GALNT2: variants seen among roughly 807,000 people sequenced by gnomAD.
The protein encoded by GALNT2 is UDP-GalNAc:polypeptide N-acetylgalactosaminyltransferase 2.
A neutral mutation model predicts 81.4 loss-of-function variants in GALNT2; 31 were observed. The ratio of observed to expected loss-of-function variants is 0.38; its 90% CI spans 0.29 to 0.51. The LOEUF (loss-of-function observed/expected upper bound fraction) is 0.51. Ranked by LOEUF, GALNT2 falls within the 20% of genes least tolerant of loss-of-function variation. The probability of loss-of-function intolerance (pLI) is 0.87; values close to 1 mark genes in which losing one functional copy is unlikely to be tolerated. For synonymous variants in GALNT2, 303 were observed against 287.4 expected (o/e 1.05, Z -0.55); for missense variants, 629 against 765.7 (o/e 0.82, Z 2.11).
chr1:230,192,617 G>A (rs572324813), intron 2 of GALNT2, among the ~76,000 whole-genome samples: 1 of 152,342 alleles, frequency 6.6e-6, no homozygotes, highest in East Asian at 1.9e-4. Flanking sequence ...GATATAGGAT[G>A]ATTCATACAT....
intron 2 of GALNT2, among the ~76,000 whole-genome samples, chr1:230,199,278 T>A (rs559582137): frequency 6.6e-6 from 1 of 152,326 alleles, no homozygotes; most frequent in Admixed American, 6.5e-5. Flanking sequence ...TGTCCCTGTT[T>A]GCGTGGGGTT....
At position 230,278,293 on chromosome 1, in the gene GALNT2, A is replaced by T. The variant is rs192359832; in HGVS notation, c.1561-1010A>T. ...CCACCATGCCCTGCTAATTTTTTTTAAAAAAAATGTTTGTAGAGATGGGTT... is the reference window on the plus strand; with the variant it reads ...CCACCATGCCCTGCTAATTTTTTTTTAAAAAAATGTTTGTAGAGATGGGTT... On this transcript the variant is annotated intron_variant, in intron 15 of 15. Coordinates refer to ENST00000366672, the MANE Select transcript of GALNT2 (RefSeq NM_004481.5). Among the ~76,000 whole-genome samples the T allele has an allele frequency of 2.8e-3, 419 of 151,394 alleles. 4 individuals carry two copies. Among genetic ancestry groups the T allele is most frequent in the East Asian group, 0.019 (100 of 5,146 alleles).
chr1:230,063,374 G>C (rs1410745352), upstream of GALNT2, among the ~76,000 whole-genome samples: 1 of 152,088 alleles, frequency 6.6e-6, no homozygotes, highest in Non-Finnish European at 1.5e-5. Flanking sequence ...TCTCACTGTG[G>C]GTTTTTGTTG....
chr1:230,279,171 C>G lies in GALNT2; in HGVS notation c.1561-132C>G, dbSNP rs1275683725. ...GGCTGCTGCAAGCTCCTCGGCCGTT[C>G]AGATGAGAGGCTGGGAAAAACGTGT... On this transcript the variant is annotated intron_variant, in intron 15 of 15. Coordinates refer to ENST00000366672, the MANE Select transcript of GALNT2 (RefSeq NM_004481.5). This position sits in a 1 kb window ranked among gnomAD's most constrained non-coding sequence, Gnocchi z 4.6. The G allele has an allele frequency of 1.0e-6, 1 of 974,112 alleles. No individual in the cohort carries two copies. The highest frequency in any genetic ancestry group is 1.5e-6 in the Non-Finnish European group (1 of 672,436). 60.3% of individuals were successfully genotyped at this position (974,112 alleles called of 1,614,324 possible). A position where few individuals can be genotyped will look rare whatever the true frequency, so the allele number is the denominator to read the frequency against.
intron 11 of GALNT2, among the ~76,000 whole-genome samples, chr1:230,258,505 G>A (rs1470369087): frequency 6.6e-6 from 1 of 152,074 alleles, no homozygotes; most frequent in African/African-American, 2.4e-5. Context: ...GATTATAGAC[G>A]TGAGCCACCG....
chr1:230,157,347 G>T (rs879292707), intron 1 of GALNT2, among the ~76,000 whole-genome samples: 1 of 152,186 alleles, frequency 6.6e-6, no homozygotes, highest in African/African-American at 2.4e-5. Flanking sequence ...CCAAGTACTG[G>T]CAAGGACATA....
At chr1:230,274,385 C>G (rs1217578114) in intron 14 of GALNT2, 60 bp from the exon 15 acceptor site, 3 of 1,587,474 alleles carry the variant, frequency 1.9e-6, no homozygotes, top group Non-Finnish European at 2.6e-6. Flanking sequence ...ATCGATGCCC[C>G]TTCTTTCCTT....
chr1:230,279,514 G>A lies in GALNT2; in HGVS notation c.*56G>A. Reference sequence around the variant, plus strand: ...CCTGCACCATTGGGTGGAGTCTGGTGATCACATTATTGATTATGTTTCTTA... The same window carrying A: ...CCTGCACCATTGGGTGGAGTCTGGTAATCACATTATTGATTATGTTTCTTA... On this transcript the variant is annotated 3_prime_UTR_variant, in exon 16 of 16. Transcript: ENST00000366672. This position sits in a 1 kb window ranked among gnomAD's most constrained non-coding sequence, Gnocchi z 4.6. 6.4e-7 allele frequency: 1 copy of A among 1,571,762 alleles called. No homozygotes were observed. Among genetic ancestry groups the A allele is most frequent in the Non-Finnish European group, 8.7e-7 (1 of 1,153,308 alleles).
At chr1:230,106,093 G>A (rs574580514) in intron 1 of GALNT2, among the ~76,000 whole-genome samples, 31 of 152,356 alleles carry the variant, frequency 2.0e-4, no homozygotes, top group Non-Finnish European at 4.3e-4. Context: ...CACAGTGCAT[G>A]AGGGTATGCC....
At chr1:230,250,190 T>C (rs1451480303) in intron 9 of GALNT2, among the ~76,000 whole-genome samples, 1 of 152,214 alleles carries the variant, frequency 6.6e-6, no homozygotes, top group Non-Finnish European at 1.5e-5. Context: ...GCCCCAGCAG[T>C]CGCTCCCACA....
intron 3 of GALNT2, among the ~76,000 whole-genome samples, chr1:230,206,646 T>C (rs1664066499): frequency 1.3e-5 from 2 of 152,248 alleles, no homozygotes; most frequent in South Asian, 4.1e-4. Flanking sequence ...AAAATGTTTT[T>C]TGTCTCTGCA....
chr1:230,082,467 A>G (rs532861408), intron 1 of GALNT2, among the ~76,000 whole-genome samples: 1 of 152,320 alleles, frequency 6.6e-6, no homozygotes, highest in African/African-American at 2.4e-5. Context: ...ATCTCTTCCT[A>G]GGGCCTCTGG....
intron 1 of GALNT2, among the ~76,000 whole-genome samples, chr1:230,109,296 G>T (rs1474172185): frequency 6.6e-6 from 1 of 152,210 alleles, no homozygotes; most frequent in Non-Finnish European, 1.5e-5. Flanking sequence ...CTGCAGCAGT[G>T]GTGGTTGGGG....
chr1:230,104,728 G>C (rs1002964550), intron 1 of GALNT2, among the ~76,000 whole-genome samples: 4 of 152,242 alleles, frequency 2.6e-5, no homozygotes, highest in Admixed American at 2.6e-4. Context: ...GGGCGATCCC[G>C]TTCCTTCCCT....
chr1:230,235,952 C>T, intron 3 of GALNT2, 62 bp from the exon 4 acceptor site: 4 of 1,508,222 alleles, frequency 2.7e-6, no homozygotes, highest in African/African-American at 1.4e-5. Flanking sequence ...CTCTGAAGGG[C>T]TAAACAAGCT....
chr1:230,263,027 G>T (rs759281894), intron 13 of GALNT2, 22 bp downstream of exon 13: 10 of 1,596,130 alleles, frequency 6.3e-6, no homozygotes, highest in Admixed American at 5.0e-5. Context: ...GGGATCTGGG[G>T]TTTCACTTTG....
At chr1:230,205,965 C>G (rs921444655) in intron 3 of GALNT2, among the ~76,000 whole-genome samples, 1 of 152,130 alleles carries the variant, frequency 6.6e-6, no homozygotes, top group Non-Finnish European at 1.5e-5. Context: ...AGAAAGCGTC[C>G]GTGTAGCTTT....
At chr1:230,235,957 C>T in intron 3 of GALNT2, 57 bp from the exon 4 acceptor site, 1 of 1,539,068 alleles carries the variant, frequency 6.5e-7, no homozygotes, top group Non-Finnish European at 9.0e-7. Context: ...AAGGGCTAAA[C>T]AAGCTGTGGC....
exon 1 of GALNT2, chr1:230,058,012 C>A: frequency 2.2e-6 from 1 of 456,246 alleles, no homozygotes; most frequent in South Asian, 1.5e-5. Flanking sequence ...ACGAAAAGCA[C>A]TGGCTGGAGA....
Sources: allele counts gnomAD v4.1 joint callset (sites outside exome capture counted in the v4.1 genomes callset), GRCh38; gene constraint gnomAD v4.1.1; non-coding constraint Gnocchi (gnomAD v3.1); transcripts MANE v1.5; gene names NCBI Gene and HGNC (gene_info 2026-07-23, HGNC 2026-07-21).